The following ARHGEF4 variants were observed in gnomAD, a reference collection of about 807,000 sequenced individuals.
The protein encoded by ARHGEF4 is Rho guanine nucleotide exchange factor 4, also known as APC-stimulated guanine nucleotide exchange factor 1.
A neutral mutation model predicts 162.0 loss-of-function variants in ARHGEF4; 119 were observed. That is an observed-to-expected ratio of 0.73 (90% CI 0.63 to 0.86). The LOEUF (loss-of-function observed/expected upper bound fraction) is 0.86, where lower values mean the gene tolerates loss of function less well. ARHGEF4 is among the 40% of genes least tolerant of loss of function. The probability of loss-of-function intolerance (pLI) is 0.00; values close to 1 mark genes in which losing one functional copy is unlikely to be tolerated. For missense variants in ARHGEF4, 2,488 were observed against 2,456.0 expected (o/e 1.01, Z -0.28); for synonymous variants, 1,014 against 979.9 (o/e 1.03, Z -0.65).
At chr2:131,003,910 A>G (rs1347820060) in intron 4 of ARHGEF4, among the ~76,000 whole-genome samples, 3 of 152,230 alleles carry the variant, frequency 2.0e-5, no homozygotes, top group Admixed American at 6.5e-5. Flanking sequence ...ATATTTATAC[A>G]GGGACCCTTC....
chr2:130,837,215 C>A (rs930549802), intron 1 of ARHGEF4, among the ~76,000 whole-genome samples: 1 of 152,062 alleles, frequency 6.6e-6, no homozygotes, highest in East Asian at 2.0e-4. Context: ...GACGGGGCTC[C>A]GTTGGGGGCG....
At chr2:131,044,029 A>G (rs377681387) in intron 11 of ARHGEF4, among the ~76,000 whole-genome samples, 4 of 152,198 alleles carry the variant, frequency 2.6e-5, no homozygotes, top group African/African-American at 9.6e-5. Context: ...GTGTGGTGTG[A>G]GCCACTGTCT....
At chr2:130,986,177 G>A (rs1365526098) in intron 4 of ARHGEF4, among the ~76,000 whole-genome samples, 2 of 151,400 alleles carry the variant, frequency 1.3e-5, no homozygotes, top group Non-Finnish European at 2.9e-5. Flanking sequence ...ATGTTGTGTT[G>A]CACGTGCATG....
At chr2:130,837,683 C>A (rs1043876846) in intron 1 of ARHGEF4, 2 of 438,160 alleles carry the variant, frequency 4.6e-6, no homozygotes, top group East Asian at 8.0e-5. Flanking sequence ...CCACAGGTTG[C>A]CAAGCCCGAC....
chr2:130,872,476 C>T (rs1004645632), intron 1 of ARHGEF4, among the ~76,000 whole-genome samples: 21 of 152,120 alleles, frequency 1.4e-4, no homozygotes, highest in African/African-American at 4.3e-4. Context: ...GGCCCCTTTC[C>T]GGGACTTAGG....
chr2:130,878,480 T>A (rs1384820024), intron 1 of ARHGEF4, among the ~76,000 whole-genome samples: 1 of 152,198 alleles, frequency 6.6e-6, no homozygotes, highest in Non-Finnish European at 1.5e-5. Flanking sequence ...AAGTGGATGC[T>A]GTGTGAGCAG....
intron 2 of ARHGEF4, among the ~76,000 whole-genome samples, chr2:130,919,054 A>G (rs1199391847): frequency 6.6e-6 from 1 of 152,226 alleles, no homozygotes; most frequent in African/African-American, 2.4e-5. Context: ...GGGGTCAGAC[A>G]TACACATTGC....
At chr2:130,977,612 A>G (rs993764554) in intron 4 of ARHGEF4, among the ~76,000 whole-genome samples, 9 of 151,396 alleles carry the variant, frequency 5.9e-5, no homozygotes, top group African/African-American at 1.9e-4. Context: ...TGCGTTGCAT[A>G]TGTATGGTGT....
At chr2:131,045,258 G>A in intron 12 of ARHGEF4, 111 bp from the exon 13 acceptor site, 2 of 1,044,464 alleles carry the variant, frequency 1.9e-6, no homozygotes, top group East Asian at 2.4e-5. Context: ...GGCCAGTACT[G>A]AGTCCCCAGT....
intron 1 of ARHGEF4, among the ~76,000 whole-genome samples, chr2:130,857,125 G>C (rs988561521): frequency 6.6e-6 from 1 of 152,190 alleles, no homozygotes; most frequent in Non-Finnish European, 1.5e-5. Context: ...CCAGCTACTT[G>C]GGAGGCTGAG....
intron 12 of ARHGEF4, 49 bp from the exon 13 acceptor site, chr2:131,045,320 C>T: frequency 3.2e-6 from 5 of 1,568,482 alleles, no homozygotes; most frequent in Non-Finnish European, 3.5e-6. Context: ...GGGAACTGCA[C>T]CTGGGGCCAC....
chr2:130,875,162 C>G (rs1003488320), intron 1 of ARHGEF4, among the ~76,000 whole-genome samples: 2 of 152,152 alleles, frequency 1.3e-5, no homozygotes, highest in African/African-American at 4.8e-5. Flanking sequence ...TCTATTTCTT[C>G]TGTCTTGTGG....
chr2:130,900,331 T>C (rs1040364730), intron 1 of ARHGEF4, among the ~76,000 whole-genome samples: 3 of 152,216 alleles, frequency 2.0e-5, no homozygotes, highest in Admixed American at 1.3e-4. Context: ...CCGTGGGTTT[T>C]TCTATTTCTT....
In ARHGEF4 at chr2:130,902,283, CT is replaced by C. The variant is rs568142754; in HGVS notation, c.40-11702del. 3.4e-5 allele frequency among the ~76,000 whole-genome samples: 5 copies of C among 145,732 alleles called. No individual in the cohort carries two copies. The South Asian group carries it at 9.9e-4, about 29-fold the overall frequency. On this transcript the variant is annotated intron_variant, in intron 1 of 13. Coordinates refer to ENST00000409359, the MANE Select transcript of ARHGEF4 (RefSeq NM_001367493.1). ...CCTTCCTTTCTGTCTCTTGACAGAA[CT>C]GCGGGTTCTCTGGTTCCCAGGCCAG...
chr2:130,881,632 T>G (rs62177035), intron 1 of ARHGEF4, among the ~76,000 whole-genome samples: 6,319 of 152,116 alleles, frequency 0.042, 176 homozygotes, highest in Middle Eastern at 0.078. Flanking sequence ...TCTGAGGCCA[T>G]CCTCCGCAGA....
chr2:130,939,820 C>CT (rs1683182973), intron 3 of ARHGEF4, among the ~76,000 whole-genome samples: 1 of 152,052 alleles, frequency 6.6e-6, no homozygotes, highest in Non-Finnish European at 1.5e-5. Flanking sequence ...AAAATGTATA[C>CT]TTTTGTATTT....
chr2:131,037,659 C>T (rs1488127833), intron 5 of ARHGEF4, among the ~76,000 whole-genome samples: 1 of 152,054 alleles, frequency 6.6e-6, no homozygotes, highest in Non-Finnish European at 1.5e-5. Flanking sequence ...GCTCATCATT[C>T]AGGGAGCAGA....
At chr2:130,962,178 G>A (rs1400552888) in intron 4 of ARHGEF4, among the ~76,000 whole-genome samples, 3 of 151,078 alleles carry the variant, frequency 2.0e-5, no homozygotes, top group Non-Finnish European at 2.9e-5. Flanking sequence ...GTCGTAGGTT[G>A]CAGTGAGCTG....
intron 3 of ARHGEF4, among the ~76,000 whole-genome samples, chr2:130,943,885 T>C (rs1683452576): frequency 6.6e-6 from 1 of 152,244 alleles, no homozygotes; most frequent in Non-Finnish European, 1.5e-5. Context: ...TTATTTCTGT[T>C]GCTCTTCCTT....
Sources: allele counts gnomAD v4.1 joint callset (sites outside exome capture counted in the v4.1 genomes callset), GRCh38; gene constraint gnomAD v4.1.1; transcripts MANE v1.5; gene names NCBI Gene and HGNC (gene_info 2026-07-23, HGNC 2026-07-21).